Variants in ERMAP observed in about 807,000 individuals in gnomAD.
The protein encoded by ERMAP is erythroid membrane-associated protein.
ERMAP carries 34 observed loss-of-function variants against 49.5 expected under a neutral mutation model. That is an observed-to-expected ratio of 0.69 (90% CI 0.52 to 0.91). The LOEUF (loss-of-function observed/expected upper bound fraction) is 0.91, where lower values mean the gene tolerates loss of function less well. Ranked by LOEUF, ERMAP falls within the 40% of genes least tolerant of loss-of-function variation. ERMAP has a pLI of 0.00. For synonymous variants in ERMAP, 214 were observed against 232.2 expected (o/e 0.92, Z 0.71); for missense variants, 541 against 582.6 (o/e 0.93, Z 0.74).
chr1:42,839,977 A>T, intron 8 of ERMAP, 56 bp from the exon 9 acceptor site: 2 of 1,552,376 alleles, frequency 1.3e-6, no homozygotes, highest in African/African-American at 1.4e-5. Context: ...GCATTATGGG[A>T]GGGCCTCTAC....
At chr1:42,836,097 T>C (rs1026323607) in intron 6 of ERMAP, among the ~76,000 whole-genome samples, 1 of 151,878 alleles carries the variant, frequency 6.6e-6, no homozygotes. Context: ...TACTAGATTC[T>C]GGGGATGCAA....
intron 1 of ERMAP, among the ~76,000 whole-genome samples, chr1:42,821,726 AACTG>A (rs1217385273): frequency 1.3e-5 from 2 of 152,230 alleles, no homozygotes; most frequent in Non-Finnish European, 2.9e-5. Context: ...TAAAAATTAA[AACTG>A]ACTGGGTGTG....
intron 7 of ERMAP, 38 bp from the exon 8 acceptor site, chr1:42,838,863 T>A (rs776054655): frequency 1.2e-6 from 2 of 1,613,736 alleles, no homozygotes; most frequent in Non-Finnish European, 1.7e-6. Context: ...AGAGGCAGGA[T>A]CTGATCACTC....
chr1:42,821,576 G>A (rs1430700653), intron 1 of ERMAP, among the ~76,000 whole-genome samples: 2 of 152,094 alleles, frequency 1.3e-5, no homozygotes, highest in Non-Finnish European at 2.9e-5. Flanking sequence ...AATTACTTTG[G>A]AAAACAATTT....
Position 42,837,079 on chromosome 1 carries a change from G to C in ERMAP, c.584-79G>C, listed in dbSNP as rs1654923610. 6 of 1,471,328 alleles carry C rather than the reference G, an allele frequency of 4.1e-6. No individual in the cohort carries two copies. The Admixed American group carries it at 8.4e-5, about 21-fold the overall frequency. The allele number at this position is 1,471,328 out of a possible 1,614,324, so 91.1% of individuals were successfully genotyped here. On this transcript the variant is annotated intron_variant, in intron 6 of 11. Coordinates refer to ENST00000372517, the MANE Select transcript of ERMAP (RefSeq NM_001017922.2). ...GAAGATAGAGGTGGACAGGTCCAAG[G>C]GCAGGTAAAATCAATAGGAATCAGG...
chr1:42,827,073 T>A (rs1430246716), intron 2 of ERMAP, among the ~76,000 whole-genome samples: 1 of 152,224 alleles, frequency 6.6e-6, no homozygotes, highest in African/African-American at 2.4e-5. Flanking sequence ...CATGATGGAA[T>A]CCTAAAGTCA....
rs149629031 is a variant in ERMAP, at chr1:42,835,063, C to G, written c.459C>G (p.Pro153=). 11 of 1,536,170 alleles carry G rather than the reference C, an allele frequency of 7.2e-6. No homozygotes were observed. The highest frequency in any genetic ancestry group is 5.4e-5 in the African/African-American group (4 of 73,496). Residue 153 remains proline (P), a synonymous_variant, in exon 5 of 12, where the codon CCC becomes CCG. Coordinates refer to ENST00000372517, the MANE Select transcript of ERMAP (RefSeq NM_001017922.2). ...CCCCATCTGTGGGGAGTCTCTCCCC[C>G]TCAGCAGTGGCTCTGGCTGTGATCC... is the stretch of plus-strand genomic sequence containing the variant. The part of the protein sequence containing the change: ...VAAPSVGSLS[P]SAVALAVILP...
At chr1:42,826,274 A>G (rs1570531565) in intron 2 of ERMAP, among the ~76,000 whole-genome samples, 1 of 152,236 alleles carries the variant, frequency 6.6e-6, no homozygotes, top group South Asian at 2.1e-4. Context: ...TAGACAGGTA[A>G]TTGACAAAGT....
chr1:42,843,720 CCACT>C lies in ERMAP; in HGVS notation c.*494_*497del, dbSNP rs1335187877. On this transcript the variant is annotated 3_prime_UTR_variant, in exon 12 of 12. Coordinates refer to ENST00000372517, the MANE Select transcript of ERMAP (RefSeq NM_001017922.2). The stretch of plus-strand genomic sequence containing the variant: ...TCTCTAAAAGCAAGCATGTTTTAGA[CCACT>C]CACTCTTTCCCTCTTTCTTCAGGAA... The C allele has an allele frequency of 4.7e-6, 1 of 211,884 alleles. No individual in the cohort carries two copies. The highest frequency in any genetic ancestry group is 2.3e-5 in the African/African-American group (1 of 43,596). The allele number at this position is 211,884 out of a possible 1,614,324, so 13.1% of individuals were successfully genotyped here.
At chr1:42,836,677 G>A (rs1045956130) in intron 6 of ERMAP, among the ~76,000 whole-genome samples, 22 of 152,144 alleles carry the variant, frequency 1.4e-4, no homozygotes, top group South Asian at 4.1e-4. Flanking sequence ...TTAACATGGC[G>A]AAACCCTGTC....
At chr1:42,822,659 A>T (rs1018187241) in intron 1 of ERMAP, among the ~76,000 whole-genome samples, 1 of 152,126 alleles carries the variant, frequency 6.6e-6, no homozygotes, top group East Asian at 1.9e-4. Context: ...GAAACTACAT[A>T]ATATATTATT....
intron 7 of ERMAP, 113 bp from the exon 8 acceptor site, chr1:42,838,788 G>GA: frequency 6.6e-7 from 1 of 1,525,628 alleles, no homozygotes; most frequent in Non-Finnish European, 9.0e-7. Context: ...TAGGGACATA[G>GA]AAGCGTCACC....
chr1:42,833,530 T>C (rs1228582576), intron 4 of ERMAP, among the ~76,000 whole-genome samples: 2 of 152,234 alleles, frequency 1.3e-5, no homozygotes, highest in South Asian at 2.1e-4. Context: ...CATGTGGCTA[T>C]AGAATAATAA....
intron 6 of ERMAP, among the ~76,000 whole-genome samples, chr1:42,836,645 C>T (rs1261334896): frequency 4.6e-5 from 7 of 152,084 alleles, no homozygotes; most frequent in East Asian, 1.9e-4. Flanking sequence ...CACCTGAGGT[C>T]GGGAGTTCAA....
chr1:42,825,914 C>A, intron 2 of ERMAP, 176 bp downstream of exon 2: 1 of 716,242 alleles, frequency 1.4e-6, no homozygotes, highest in Non-Finnish European at 2.0e-6. Context: ...GACAAGATTG[C>A]TGGATGGGTT....
At chr1:42,821,989 G>A (rs1347108864) in intron 1 of ERMAP, among the ~76,000 whole-genome samples, 2 of 149,580 alleles carry the variant, frequency 1.3e-5, no homozygotes, top group Admixed American at 6.6e-5. Flanking sequence ...CTCCAGCCTG[G>A]GCAACAGAGC....
chr1:42,841,332 T>C (rs1416482640), intron 11 of ERMAP, among the ~76,000 whole-genome samples: 2 of 152,220 alleles, frequency 1.3e-5, no homozygotes, highest in Non-Finnish European at 2.9e-5. Flanking sequence ...GTGACACTCA[T>C]AATCCACAAT....
chr1:42,840,112 T>C, intron 9 of ERMAP, 40 bp from the exon 10 acceptor site: 1 of 1,614,212 alleles, frequency 6.2e-7, no homozygotes, highest in Non-Finnish European at 8.5e-7. Context: ...GCCCTAATAT[T>C]TGCAGTGATA....
At chr1:42,828,651 A>C (rs1338313831) in intron 2 of ERMAP, among the ~76,000 whole-genome samples, 2 of 152,066 alleles carry the variant, frequency 1.3e-5, no homozygotes, top group African/African-American at 2.4e-5. Context: ...GCGTGCCACC[A>C]TGCCAAGCTA....
Sources: gnomAD v4.1 joint callset for allele counts (sites outside exome capture counted in the v4.1 genomes callset) on GRCh38, gnomAD v4.1.1 for gene constraint, MANE v1.5 for transcripts, NCBI Gene and HGNC (gene_info 2026-07-23, HGNC 2026-07-21) for gene names.